Variants in EPM2A observed in about 807,000 individuals in gnomAD.
The protein encoded by EPM2A is EPM2A glucan phosphatase, laforin.
EPM2A carries 21 observed loss-of-function variants against 26.5 expected under a neutral mutation model. The ratio of observed to expected loss-of-function variants is 0.79; its 90% CI spans 0.56 to 1.14. The LOEUF is 1.14. EPM2A is among the 50% of genes most tolerant of loss of function. EPM2A has a pLI of 0.00. For synonymous variants in EPM2A, 217 were observed against 177.6 expected (o/e 1.22, Z -1.76); for missense variants, 458 against 440.8 (o/e 1.04, Z -0.35).
intron 2 of EPM2A, among the ~76,000 whole-genome samples, chr6:145,552,639 T>G (rs1017428502): frequency 2.0e-5 from 3 of 152,128 alleles, no homozygotes; most frequent in African/African-American, 7.2e-5. Context: ...AGGAATCATG[T>G]GCAAATATAT....
intron 2 of EPM2A, among the ~76,000 whole-genome samples, chr6:145,520,010 A>G (rs411450): frequency 0.12 from 17,541 of 152,146 alleles, 1,476 homozygotes; most frequent in Non-Finnish European, 0.17. Flanking sequence ...CCTTAGTCAA[A>G]TACTGTCCAT....
intron 4 of EPM2A, among the ~76,000 whole-genome samples, chr6:145,463,743 C>G (rs1779354113): frequency 6.6e-6 from 1 of 151,974 alleles, no homozygotes; most frequent in South Asian, 2.1e-4. Context: ...GCAAGTGGGG[C>G]TTATTTCTCT....
At chr6:145,420,123 C>T (rs1778762937) in intron 4 of EPM2A, among the ~76,000 whole-genome samples, 2 of 151,982 alleles carry the variant, frequency 1.3e-5, no homozygotes, top group Admixed American at 1.3e-4. Flanking sequence ...TTAATTAAAT[C>T]ATCTCATTTT....
At chr6:145,549,612 C>T (rs559088519) in intron 2 of EPM2A, among the ~76,000 whole-genome samples, 5 of 152,228 alleles carry the variant, frequency 3.3e-5, no homozygotes, top group African/African-American at 9.6e-5. Context: ...TATTATAAAA[C>T]ATTCCTAAGG....
intron 4 of EPM2A, among the ~76,000 whole-genome samples, chr6:145,384,495 G>A (rs1778232340): frequency 1.4e-5 from 2 of 147,874 alleles, no homozygotes; most frequent in African/African-American, 5.0e-5. Flanking sequence ...TAACTTCACA[G>A]TAGGCTCTAA....
intron 2 of EPM2A, among the ~76,000 whole-genome samples, chr6:145,656,010 T>C (rs910292863): frequency 2.0e-5 from 3 of 152,210 alleles, no homozygotes; most frequent in Admixed American, 6.5e-5. Flanking sequence ...CTATTTTTTC[T>C]GCAAGATTTG....
At chr6:145,728,691 C>T (rs1776332912) in intron 1 of EPM2A, among the ~76,000 whole-genome samples, 1 of 152,124 alleles carries the variant, frequency 6.6e-6, no homozygotes, top group African/African-American at 2.4e-5. Context: ...AAAAGGGAAG[C>T]AGAGCATAAA....
At chr6:145,706,033 T>C in intron 1 of EPM2A, 1 of 438,100 alleles carries the variant, frequency 2.3e-6, no homozygotes, top group Middle Eastern at 4.3e-4. Flanking sequence ...AGACTTGGAA[T>C]GTTTAGGTTT....
chr6:145,590,907 T>C (rs970818266), intron 2 of EPM2A, among the ~76,000 whole-genome samples: 9 of 152,128 alleles, frequency 5.9e-5, no homozygotes, highest in African/African-American at 2.2e-4. Context: ...CAGACTAAGA[T>C]ATGGCACAGA....
intron 1 of EPM2A, among the ~76,000 whole-genome samples, chr6:145,711,962 G>A (rs1465143001): frequency 6.6e-6 from 1 of 152,092 alleles, no homozygotes; most frequent in Non-Finnish European, 1.5e-5. Flanking sequence ...TCTAGTTTGA[G>A]GCACTAAGAA....
At chr6:145,423,062 A>C (rs1443703921) in intron 4 of EPM2A, among the ~76,000 whole-genome samples, 1 of 152,218 alleles carries the variant, frequency 6.6e-6, no homozygotes, top group South Asian at 2.1e-4. Context: ...AATATATACA[A>C]AATATATGGT....
intron 2 of EPM2A, among the ~76,000 whole-genome samples, chr6:145,531,453 A>T (rs1780354756): frequency 6.6e-6 from 1 of 152,226 alleles, no homozygotes; most frequent in African/African-American, 2.4e-5. Context: ...TAAAATTCAG[A>T]TGACAAATTT....
chr6:145,548,320 T>C (rs1040771533), intron 2 of EPM2A, among the ~76,000 whole-genome samples: 2 of 152,122 alleles, frequency 1.3e-5, no homozygotes, highest in East Asian at 3.9e-4. Context: ...CCTCAAACAT[T>C]TGCTCTCTAA....
intron 2 of EPM2A, among the ~76,000 whole-genome samples, chr6:145,592,867 A>G (rs1195607016): frequency 6.6e-6 from 1 of 152,202 alleles, no homozygotes; most frequent in African/African-American, 2.4e-5. Context: ...AAAAAGAAGG[A>G]AAGCACAAAA....
Position 145,735,451 on chromosome 6 carries a change from G to A in EPM2A, c.48C>T (p.Ala16=), listed in dbSNP as rs1776820090. The part of the protein sequence containing the change: ...GVVVPPAVAG[A]RPELLVVGSR... ...ACCCCACCACCAGCAGCTCCGGCCGGGCGCCGGCCACGGCGGGTGGCACCA... is the reference window on the plus strand; with the variant it reads ...ACCCCACCACCAGCAGCTCCGGCCGAGCGCCGGCCACGGCGGGTGGCACCA... Residue 16 remains alanine, a synonymous_variant, in exon 1 of 4, where the codon GCC becomes GCT. Coordinates refer to ENST00000367519, the MANE Select transcript of EPM2A (RefSeq NM_005670.4). 1.6e-6 allele frequency: 2 copies of A among 1,241,750 alleles called. No individual in the cohort carries two copies. The highest frequency in any genetic ancestry group is 2.9e-5 in the South Asian group (1 of 35,066). The allele number at this position is 1,241,750 out of a possible 1,614,324, so 76.9% of individuals were successfully genotyped here.
chr6:145,630,449 C>T (rs1776164083), intron 3 of EPM2A: 1 of 151,186 alleles, frequency 6.6e-6, no homozygotes, highest in Admixed American at 6.6e-5. Flanking sequence ...CTCATTTCTA[C>T]TAAAATTAAA....
chr6:145,537,666 T>G (rs1444455088), intron 2 of EPM2A, among the ~76,000 whole-genome samples: 2 of 151,372 alleles, frequency 1.3e-5, no homozygotes, highest in African/African-American at 2.4e-5. Flanking sequence ...ACATGTGTCC[T>G]GGTGTTTTGC....
chr6:145,733,526 A>T (rs1776620304), intron 1 of EPM2A, among the ~76,000 whole-genome samples: 1 of 152,196 alleles, frequency 6.6e-6, no homozygotes, highest in African/African-American at 2.4e-5. Context: ...GCAAACTATT[A>T]ACGGCATAGG....
intron 4 of EPM2A, among the ~76,000 whole-genome samples, chr6:145,461,431 G>C (rs1334336526): frequency 1.3e-5 from 2 of 152,144 alleles, no homozygotes; most frequent in Non-Finnish European, 1.5e-5. Context: ...GAAAAGTTTT[G>C]AGTGAAACAC....
Sources: gnomAD v4.1 joint callset for allele counts (sites outside exome capture counted in the v4.1 genomes callset) on GRCh38, gnomAD v4.1.1 for gene constraint, MANE v1.5 for transcripts, NCBI Gene and HGNC (gene_info 2026-07-23, HGNC 2026-07-21) for gene names.